SUN1: variants seen among roughly 807,000 people sequenced by gnomAD.
SUN1 encodes Sad1 and UNC84 domain containing 1.
SUN1 carries 61 observed loss-of-function variants against 103.2 expected under a neutral mutation model. That is an observed-to-expected ratio of 0.59 (90% CI 0.48 to 0.73). The LOEUF (loss-of-function observed/expected upper bound fraction) is 0.73. Ranked by LOEUF, SUN1 falls within the 30% of genes least tolerant of loss-of-function variation. The pLI, the probability that SUN1 is intolerant of heterozygous loss-of-function variation, is 0.00. For missense variants in SUN1, 1,052 were observed against 1,034.6 expected (o/e 1.02, Z -0.23); for synonymous variants, 490 against 425.7 (o/e 1.15, Z -1.86).
intron 11 of SUN1, 91 bp downstream of exon 11, chr7:855,097 C>T (rs1825881825): frequency 1.0e-6 from 1 of 972,608 alleles, no homozygotes; most frequent in East Asian, 2.6e-5. Flanking sequence ...TAATGTTCCT[C>T]TTTTTAGGCT....
chr7:871,172 G>A (rs1055561080), intron 17 of SUN1, among the ~76,000 whole-genome samples: 11 of 152,076 alleles, frequency 7.2e-5, no homozygotes, highest in African/African-American at 2.4e-4. Context: ...AAAAACAGTA[G>A]TTTATTTAAT....
chr7:861,547 C>A, intron 15 of SUN1, 83 bp downstream of exon 15: 1 of 1,349,642 alleles, frequency 7.4e-7, no homozygotes, highest in East Asian at 2.3e-5. Flanking sequence ...TTGCCTACCC[C>A]ACTTCCAGCA....
At chr7:851,546 T>TTGA (rs1249577272) in intron 6 of SUN1, 64 bp downstream of exon 6, 12 of 1,033,592 alleles carry the variant, frequency 1.2e-5, no homozygotes, top group East Asian at 6.0e-5. Context: ...GCACCTGCAC[T>TTGA]CGATTTACCT....
At chr7:837,821 G>C (rs1329676329) in intron 1 of SUN1, among the ~76,000 whole-genome samples, 1 of 152,230 alleles carries the variant, frequency 6.6e-6, no homozygotes, top group East Asian at 1.9e-4. Flanking sequence ...TGTTATGGAT[G>C]GTGGCTGGGT....
intron 14 of SUN1, 145 bp downstream of exon 14, chr7:860,527 C>A: frequency 7.3e-7 from 1 of 1,370,196 alleles, no homozygotes; most frequent in East Asian, 2.4e-5. Flanking sequence ...TGAGATGAGA[C>A]GTGCCTGGGC....
chr7:823,005 C>T (rs748325310), intron 1 of SUN1, among the ~76,000 whole-genome samples: 1 of 152,228 alleles, frequency 6.6e-6, no homozygotes, highest in African/African-American at 2.4e-5. Flanking sequence ...CCCGCACGCA[C>T]GTGGCCCTGT....
At chr7:861,754 G>C (rs1832429998) in intron 15 of SUN1, among the ~76,000 whole-genome samples, 1 of 152,240 alleles carries the variant, frequency 6.6e-6, no homozygotes, top group Non-Finnish European at 1.5e-5. Flanking sequence ...CCTGTGCTGT[G>C]ATCGGGGATT....
chr7:830,762 G>T (rs551466225), upstream of SUN1, among the ~76,000 whole-genome samples: 1 of 152,192 alleles, frequency 6.6e-6, no homozygotes, highest in African/African-American at 2.4e-5. Context: ...GTGTCCCCCA[G>T]GGTGGGAGCG....
chr7:860,043 T>C, intron 13 of SUN1, 85 bp from the exon 14 acceptor site: 1 of 1,503,268 alleles, frequency 6.7e-7, no homozygotes. Context: ...ATATAATTCT[T>C]CTGAGGTATC....
At chr7:851,549 A>ATGAT (rs1822166763) in intron 6 of SUN1, 67 bp downstream of exon 6, 1 of 1,354,528 alleles carries the variant, frequency 7.4e-7, no homozygotes. Context: ...CCTGCACTCG[A>ATGAT]TTTACCTAAC....
At chr7:856,667 G>A (rs1030990915) in intron 12 of SUN1, among the ~76,000 whole-genome samples, 2 of 152,192 alleles carry the variant, frequency 1.3e-5, no homozygotes, top group Non-Finnish European at 2.9e-5. Flanking sequence ...GCTGTGACCC[G>A]GAGGGCTTCA....
rs180772708 is a variant in SUN1 at position 837,275 on chromosome 7, G to A, written c.78-1523G>A. Reference sequence around the variant, plus strand: ...CTGGAGTCGGTGTCAGGGCACAGCCGTCACACTCTGAGCAGCGGTCTGAAG... The same window carrying A: ...CTGGAGTCGGTGTCAGGGCACAGCCATCACACTCTGAGCAGCGGTCTGAAG... On this transcript the variant is annotated intron_variant, in intron 1 of 18. Transcript: ENST00000401592. Among the ~76,000 whole-genome samples the A allele has an allele frequency of 3.6e-3, 552 of 152,308 alleles. 3 individuals carry two copies. The highest frequency in any genetic ancestry group is 0.012 in the African/African-American group (507 of 41,560).
intron 1 of SUN1, among the ~76,000 whole-genome samples, chr7:837,626 C>A (rs1049577371): frequency 1.3e-5 from 2 of 152,138 alleles, no homozygotes; most frequent in Non-Finnish European, 2.9e-5. Context: ...AGACTGGAGA[C>A]CTCCGTTTGA....
intron 12 of SUN1, among the ~76,000 whole-genome samples, chr7:857,613 T>G (rs564193386): frequency 3.3e-5 from 5 of 152,322 alleles, no homozygotes; most frequent in Non-Finnish European, 7.4e-5. Flanking sequence ...TGTGAACATT[T>G]GTATGTTACA....
Position 855,010 on chromosome 7 carries a change from T to C in SUN1, c.1350+4T>C, listed in dbSNP as rs1399328430. 1 of 1,607,594 alleles carries C rather than the reference T, an allele frequency of 6.2e-7. No homozygotes were observed. Among genetic ancestry groups the C allele is most frequent in the Admixed American group, 1.7e-5 (1 of 59,554 alleles). ...AAAACTGAGAGAAAAATCTGAGGTA[T>C]TTATTTTTGACCTTACGCTTTTTTA... On this transcript the variant is annotated splice_donor_region_variant and intron_variant, in intron 11 of 18. Transcript: ENST00000401592.
At position 873,604 on chromosome 7, in the gene SUN1, T is replaced by TTTGCATTTG; in HGVS notation, c.*274_*282dup. ...ACTCCTTGTTTTTAACGGGAAGCTC[T>TTTGCATTTG]TTGCATTTGCATTTCCTCAACAAAG... is the stretch of plus-strand genomic sequence containing the variant. On this transcript the variant is annotated 3_prime_UTR_variant, in exon 19 of 19. Coordinates refer to ENST00000401592, the MANE Select transcript of SUN1 (RefSeq NM_001130965.3). 2.8e-6 allele frequency: 1 copy of TTTGCATTTG among 360,804 alleles called. No individual in the cohort carries two copies. The highest frequency in any genetic ancestry group is 4.4e-5 in the Admixed American group (1 of 22,772). 22.4% of individuals were successfully genotyped at this position (360,804 alleles called of 1,614,324 possible). A position where few individuals can be genotyped will look rare whatever the true frequency, so the allele number is the denominator to read the frequency against.
At chr7:851,597 C>T (rs1395671008) in intron 6 of SUN1, 115 bp downstream of exon 6, 15 of 907,512 alleles carry the variant, frequency 1.7e-5, no homozygotes, top group Non-Finnish European at 2.4e-5. Context: ...TGCTTTGACC[C>T]TTGGCGTAAC....
chr7:848,069 G>A (rs62430776), intron 5 of SUN1, among the ~76,000 whole-genome samples: 38 of 55,928 alleles, frequency 6.8e-4, no homozygotes, highest in East Asian at 6.5e-3. Flanking sequence ...ACCCCGCAGC[G>A]CCCTCTCTGG....
In SUN1 at chr7:843,844, A is replaced by G. The variant is rs1278031833; in HGVS notation, c.658+324A>G. 49 of 1,365,444 alleles carry G rather than the reference A, an allele frequency of 3.6e-5. 1 individual carries two copies. The highest frequency in any genetic ancestry group is 8.7e-5 in the East Asian group (3 of 34,466). 84.6% of individuals were successfully genotyped at this position (1,365,444 alleles called of 1,614,324 possible). A position where few individuals can be genotyped will look rare whatever the true frequency, so the allele number is the denominator to read the frequency against. ...CACCTTTATTTTTATAAAACGGCACAGATGTTCACACATACTGAAGGAGTG... is the reference window on the plus strand; with the variant it reads ...CACCTTTATTTTTATAAAACGGCACGGATGTTCACACATACTGAAGGAGTG... On this transcript the variant is annotated intron_variant, in intron 5 of 18. Transcript: ENST00000401592.
Sources: allele counts gnomAD v4.1 joint callset (sites outside exome capture counted in the v4.1 genomes callset), GRCh38; gene constraint gnomAD v4.1.1; transcripts MANE v1.5; gene names NCBI Gene and HGNC (gene_info 2026-07-23, HGNC 2026-07-21).